FBLN5: variants seen among roughly 807,000 people sequenced by gnomAD.
FBLN5 encodes the protein fibulin-5.
A neutral mutation model predicts 61.6 loss-of-function variants in FBLN5; 24 were observed. That is an observed-to-expected ratio of 0.39 (90% CI 0.28 to 0.55). The LOEUF is 0.55. Ranked by LOEUF, FBLN5 falls within the 20% of genes least tolerant of loss-of-function variation. The probability of loss-of-function intolerance (pLI) is 0.65; values close to 1 mark genes in which losing one functional copy is unlikely to be tolerated. For missense variants in FBLN5, 470 were observed against 594.1 expected (o/e 0.79, Z 2.17); for synonymous variants, 213 against 219.8 (o/e 0.97, Z 0.27).
At chr14:91,935,149 C>A (rs922185053) in intron 4 of FBLN5, among the ~76,000 whole-genome samples, 2 of 152,214 alleles carry the variant, frequency 1.3e-5, no homozygotes, top group Non-Finnish European at 2.9e-5. Context: ...CCGCATCTCC[C>A]GTGTGACAGG....
chr14:91,872,512 G>A (rs1385539553), intron 10 of FBLN5, among the ~76,000 whole-genome samples: 1 of 152,166 alleles, frequency 6.6e-6, no homozygotes, highest in East Asian at 1.9e-4. Flanking sequence ...TACACTAGAT[G>A]TTTTATCTGT....
chr14:91,906,071 G>A (rs970120226), intron 4 of FBLN5, among the ~76,000 whole-genome samples: 1 of 152,114 alleles, frequency 6.6e-6, no homozygotes, highest in African/African-American at 2.4e-5. Flanking sequence ...ATTTTCAGTA[G>A]AGACAGGGTT....
At chr14:91,917,847 C>G (rs532481139) in intron 4 of FBLN5, among the ~76,000 whole-genome samples, 1 of 152,280 alleles carries the variant, frequency 6.6e-6, no homozygotes, top group African/African-American at 2.4e-5. Context: ...GAAATTTGCT[C>G]TATGTTCCTA....
In FBLN5 at chr14:91,931,707, G is replaced by GAGCCAAGCTGGTT. The variant is rs1407604097; in HGVS notation, c.379+5227_379+5239dup. 2.0e-5 allele frequency among the ~76,000 whole-genome samples: 3 copies of GAGCCAAGCTGGTT among 152,328 alleles called. No individual in the cohort carries two copies. The East Asian group carries it at 5.8e-4, about 29-fold the overall frequency. ...TGATGGAGTCTCTACATTTGCCACT[G>GAGCCAAGCTGGTT]AGCCAAGCTGGTTAGCAAAGCTAGA... On this transcript the variant is annotated intron_variant, in intron 4 of 10. Coordinates refer to ENST00000342058, the MANE Select transcript of FBLN5 (RefSeq NM_006329.4).
At chr14:91,898,213 G>GC (rs989739959) in intron 4 of FBLN5, among the ~76,000 whole-genome samples, 1 of 151,710 alleles carries the variant, frequency 6.6e-6, no homozygotes, top group African/African-American at 2.4e-5. Context: ...TTTTTTGGCG[G>GC]GGGGGGCGGA....
chr14:91,884,120 C>A (rs1443833303), intron 7 of FBLN5, among the ~76,000 whole-genome samples: 1 of 152,194 alleles, frequency 6.6e-6, no homozygotes, highest in Non-Finnish European at 1.5e-5. Flanking sequence ...GGTGTCAACG[C>A]AAAAGAAGCT....
intron 9 of FBLN5, among the ~76,000 whole-genome samples, chr14:91,878,411 C>T (rs565053045): frequency 3.5e-4 from 54 of 152,284 alleles, no homozygotes; most frequent in African/African-American, 1.3e-3. Flanking sequence ...TATAGACACC[C>T]CTTGATTCAC....
chr14:91,895,636 T>C (rs143431773), intron 4 of FBLN5, among the ~76,000 whole-genome samples: 1,799 of 151,372 alleles, frequency 0.012, 47 homozygotes, highest in African/African-American at 0.041. Flanking sequence ...CCGTCTCTAC[T>C]AAAAATTAAA....
intron 6 of FBLN5, among the ~76,000 whole-genome samples, chr14:91,888,894 T>C (rs962157044): frequency 1.3e-5 from 2 of 152,170 alleles, no homozygotes; most frequent in African/African-American, 2.4e-5. Context: ...ATGGCCAAAG[T>C]TCCAACTGAG....
intron 4 of FBLN5, among the ~76,000 whole-genome samples, chr14:91,897,470 G>A (rs1316699709): frequency 1.3e-5 from 2 of 152,214 alleles, no homozygotes; most frequent in African/African-American, 4.8e-5. Flanking sequence ...TCTTTTTCCT[G>A]CCTTGAGGGG....
At chr14:91,913,280 G>A (rs17732466) in intron 4 of FBLN5, among the ~76,000 whole-genome samples, 31,955 of 152,114 alleles carry the variant, frequency 0.21, 3,625 homozygotes, top group Middle Eastern at 0.33. Context: ...TATCATGCCT[G>A]AATATTTTGG....
chr14:91,881,141 A>G (rs969601721), intron 9 of FBLN5, 151 bp downstream of exon 9: 12 of 747,268 alleles, frequency 1.6e-5, no homozygotes, highest in Non-Finnish European at 2.6e-5. Context: ...ACACACACAC[A>G]CACACACACA....
In FBLN5 at chr14:91,940,585, C is replaced by T. The variant is rs540001032; in HGVS notation, c.104G>A (p.Arg35His). 38 of 1,613,988 alleles carry T rather than the reference C, an allele frequency of 2.4e-5. No individual in the cohort carries two copies. Among genetic ancestry groups the T allele is most frequent in the Middle Eastern group, 1.7e-4 (1 of 6,060 alleles). ...CATACCTAAACACTGTCCTGACTGG[C>T]GATCCAGGTCAAAGCCATTCGTGCA... The part of the protein sequence containing the change: ...AQCTNGFDLD[R>H]QSGQCLDIDE... The change falls in exon 3 of 11, where the codon CGC (arginine) becomes CAC (histidine). Residue 35 changes from arginine to histidine, a missense_variant. Transcript: ENST00000342058.
At chr14:91,897,906 C>T (rs1355070258) in intron 4 of FBLN5, among the ~76,000 whole-genome samples, 1 of 151,946 alleles carries the variant, frequency 6.6e-6, no homozygotes, top group Non-Finnish European at 1.5e-5. Flanking sequence ...AAAAATTAAT[C>T]GGGTGTGGTG....
intron 7 of FBLN5, among the ~76,000 whole-genome samples, chr14:91,886,863 C>A (rs141555893): frequency 2.2e-4 from 33 of 152,246 alleles, no homozygotes; most frequent in Admixed American, 5.2e-4. Context: ...AGACTTGAGT[C>A]GGTGCTGGGT....
At chr14:91,934,804 T>C (rs2055985480) in intron 4 of FBLN5, among the ~76,000 whole-genome samples, 1 of 152,144 alleles carries the variant, frequency 6.6e-6, no homozygotes, top group Non-Finnish European at 1.5e-5. Flanking sequence ...GGTGCCTTGC[T>C]TCCCTTCCAC....
chr14:91,938,267 C>A, intron 3 of FBLN5: 1 of 157,398 alleles, frequency 6.4e-6, no homozygotes, highest in South Asian at 1.6e-4. Context: ...GACCAGCCTC[C>A]CAACATGGGG....
intron 4 of FBLN5, among the ~76,000 whole-genome samples, chr14:91,907,750 G>T (rs1890742649): frequency 6.6e-6 from 1 of 152,098 alleles, no homozygotes; most frequent in South Asian, 2.1e-4. Flanking sequence ...GAAAAGTAGA[G>T]AGAAAAGAAG....
intron 3 of FBLN5, among the ~76,000 whole-genome samples, chr14:91,939,010 C>T (rs1471074870): frequency 1.3e-5 from 2 of 152,182 alleles, no homozygotes; most frequent in African/African-American, 4.8e-5. Context: ...CCAGATTTCC[C>T]AGGACAGGGT....
Sources: allele counts gnomAD v4.1 joint callset (sites outside exome capture counted in the v4.1 genomes callset), GRCh38; gene constraint gnomAD v4.1.1; transcripts MANE v1.5; gene names NCBI Gene and HGNC (gene_info 2026-07-23, HGNC 2026-07-21).